Variants in SSBP2 observed in about 807,000 individuals in gnomAD.
SSBP2 encodes the protein single-stranded DNA-binding protein 2.
In SSBP2, 17 loss-of-function variants were observed where a neutral mutation model predicts 61.8. The ratio of observed to expected loss-of-function variants is 0.28; its 90% CI spans 0.19 to 0.41. The LOEUF (loss-of-function observed/expected upper bound fraction) is 0.41. Among genes scored for constraint, SSBP2 ranks in the 10% least tolerant of loss-of-function variants. SSBP2 has a pLI of 1.00. For synonymous variants in SSBP2, 139 were observed against 141.3 expected (o/e 0.98, Z 0.12); for missense variants, 310 against 458.7 (o/e 0.68, Z 2.96).
chr5:81,718,672 G>C (rs1399241392), intron 1 of SSBP2, among the ~76,000 whole-genome samples: 1 of 152,174 alleles, frequency 6.6e-6, no homozygotes, highest in African/African-American at 2.4e-5. Flanking sequence ...ACACAAGTAA[G>C]ATAAGACTGT....
intron 4 of SSBP2, among the ~76,000 whole-genome samples, chr5:81,562,491 AAAAC>A (rs1315781177): frequency 1.3e-5 from 2 of 152,182 alleles, no homozygotes; most frequent in Non-Finnish European, 2.9e-5. Context: ...AACAGAAATC[AAAAC>A]AAACAAACCA....
chr5:81,458,050 T>C (rs1049955512), intron 10 of SSBP2, among the ~76,000 whole-genome samples: 9 of 152,166 alleles, frequency 5.9e-5, no homozygotes, highest in African/African-American at 2.2e-4. Flanking sequence ...CCAAATTATA[T>C]ACATTCTAAA....
intron 3 of SSBP2, among the ~76,000 whole-genome samples, chr5:81,628,994 CT>C (rs1336279227): frequency 7.4e-5 from 11 of 149,128 alleles, no homozygotes; most frequent in Non-Finnish European, 9.0e-5. Flanking sequence ...TTTAATCCAT[CT>C]TTTTTTTTTG....
intron 4 of SSBP2, among the ~76,000 whole-genome samples, chr5:81,596,158 A>G (rs1183436964): frequency 6.6e-6 from 1 of 152,212 alleles, no homozygotes; most frequent in Non-Finnish European, 1.5e-5. Flanking sequence ...TACAAAATCA[A>G]TCTACAAAAA....
chr5:81,617,100 G>A (rs1410469297), intron 3 of SSBP2, among the ~76,000 whole-genome samples: 3 of 80,076 alleles, frequency 3.7e-5, no homozygotes, highest in Non-Finnish European at 7.5e-5. Flanking sequence ...AAGCTGGATG[G>A]AGAATGATTT....
chr5:81,587,755 ACG>A lies in SSBP2; in HGVS notation c.282+27716_282+27717del, dbSNP rs780681857. On this transcript the variant is annotated intron_variant, in intron 4 of 16. Coordinates refer to ENST00000320672, the MANE Select transcript of SSBP2 (RefSeq NM_012446.5). Reference sequence around the variant, plus strand: ...AAAACATACACACACACGCACACACACGCGCGCGCACACACACACACACACAC... The same window carrying A: ...AAAACATACACACACACGCACACACACGCGCGCACACACACACACACACAC... Among the ~76,000 whole-genome samples, 298 of 137,898 alleles carry A rather than the reference ACG, an allele frequency of 2.2e-3. 1 individual carries two copies. Among genetic ancestry groups the A allele is most frequent in the African/African-American group, 6.8e-3 (269 of 39,760 alleles). 90.5% of individuals were successfully genotyped at this position (137,898 alleles called of 152,430 possible).
chr5:81,644,952 C>A (rs530044055), intron 2 of SSBP2, among the ~76,000 whole-genome samples: 2 of 152,120 alleles, frequency 1.3e-5, no homozygotes, highest in African/African-American at 4.8e-5. Flanking sequence ...ACACATCAGG[C>A]ACATATTTAT....
At chr5:81,593,841 G>C (rs1196582542) in intron 4 of SSBP2, among the ~76,000 whole-genome samples, 1 of 152,162 alleles carries the variant, frequency 6.6e-6, no homozygotes, top group African/African-American at 2.4e-5. Flanking sequence ...CCTAAAGGAA[G>C]CACTAAACAT....
intron 4 of SSBP2, among the ~76,000 whole-genome samples, chr5:81,604,608 C>T (rs1561594563): frequency 6.6e-6 from 1 of 151,862 alleles, no homozygotes; most frequent in Non-Finnish European, 1.5e-5. Flanking sequence ...TTTAATCCCC[C>T]ATGGAGAAAA....
intron 6 of SSBP2, among the ~76,000 whole-genome samples, chr5:81,485,272 GCA>G (rs1161491474): frequency 1.3e-5 from 2 of 151,930 alleles, no homozygotes; most frequent in Non-Finnish European, 2.9e-5. Flanking sequence ...CTGCTATATT[GCA>G]CAGTTTTGTA....
chr5:81,542,790 T>G (rs1771379404), intron 4 of SSBP2, among the ~76,000 whole-genome samples: 1 of 150,848 alleles, frequency 6.6e-6, no homozygotes, highest in South Asian at 2.1e-4. Flanking sequence ...TCATGAAATC[T>G]GATGGTTTTT....
chr5:81,632,091 T>C (rs1264781099), intron 3 of SSBP2, among the ~76,000 whole-genome samples: 1 of 152,198 alleles, frequency 6.6e-6, no homozygotes, highest in Admixed American at 6.5e-5. Context: ...ACAAATTATT[T>C]TTTTTCTCTT....
intron 15 of SSBP2, among the ~76,000 whole-genome samples, chr5:81,436,377 A>G (rs982305724): frequency 6.7e-6 from 1 of 149,210 alleles, no homozygotes; most frequent in Non-Finnish European, 1.5e-5. Context: ...CTATTTTTAG[A>G]AAAAAAAAGA....
chr5:81,526,492 T>A (rs1769949857), intron 4 of SSBP2, among the ~76,000 whole-genome samples: 1 of 152,044 alleles, frequency 6.6e-6, no homozygotes, highest in South Asian at 2.1e-4. Context: ...ATTCATTTGG[T>A]ATAGTGTTAT....
At chr5:81,609,388 T>C (rs191368951) in intron 4 of SSBP2, among the ~76,000 whole-genome samples, 164 of 152,288 alleles carry the variant, frequency 1.1e-3, no homozygotes, top group Non-Finnish European at 1.9e-3. Flanking sequence ...CCAGTGCACA[T>C]TTGCAGCATT....
At chr5:81,433,668 T>C (rs956416484) in intron 15 of SSBP2, among the ~76,000 whole-genome samples, 1 of 151,916 alleles carries the variant, frequency 6.6e-6, no homozygotes, top group Non-Finnish European at 1.5e-5. Context: ...AGGAAAAGGA[T>C]TTTTGTTTCA....
intron 1 of SSBP2, 96 bp from the exon 2 acceptor site, chr5:81,650,435 TAACA>T: frequency 1.4e-6 from 1 of 732,156 alleles, no homozygotes; most frequent in Non-Finnish European, 2.1e-6. Flanking sequence ...TCTTACACAC[TAACA>T]GTGACCAAAA....
intron 4 of SSBP2, among the ~76,000 whole-genome samples, chr5:81,545,202 T>C (rs549491651): frequency 1.3e-5 from 2 of 152,326 alleles, no homozygotes; most frequent in South Asian, 2.1e-4. Flanking sequence ...TAACTATATA[T>C]GTATGCAATA....
At chr5:81,714,834 T>C (rs1755064710) in intron 1 of SSBP2, among the ~76,000 whole-genome samples, 1 of 152,160 alleles carries the variant, frequency 6.6e-6, no homozygotes, top group Non-Finnish European at 1.5e-5. Flanking sequence ...TTTTCTCCCA[T>C]TCTATAGGTT....
Sources: allele counts gnomAD v4.1 joint callset (sites outside exome capture counted in the v4.1 genomes callset), GRCh38; gene constraint gnomAD v4.1.1; transcripts MANE v1.5; gene names NCBI Gene and HGNC (gene_info 2026-07-23, HGNC 2026-07-21).